Variants in MEGF11 observed in about 807,000 individuals in gnomAD.
MEGF11 encodes the protein multiple EGF like domains 11, also known as multiple epidermal growth factor-like domains protein 11.
MEGF11 carries 126 observed loss-of-function variants against 146.6 expected under a neutral mutation model. That is an observed-to-expected ratio of 0.86 (90% confidence interval 0.74 to 1.00). MEGF11 has a LOEUF of 1.00. MEGF11 is among the 50% of genes least tolerant of loss of function. The pLI is 0.00. For missense variants in MEGF11, 1,509 were observed against 1,521.2 expected (o/e 0.99, Z 0.13); for synonymous variants, 532 against 583.4 (o/e 0.91, Z 1.27).
chr15:66,181,243 G>A (rs2070412517), intron 1 of MEGF11, among the ~76,000 whole-genome samples: 1 of 152,196 alleles, frequency 6.6e-6, no homozygotes, highest in South Asian at 2.1e-4. Context: ...CACAGAATTT[G>A]TGTTGTTGTT....
chr15:66,233,945 C>T (rs866416376), intron 1 of MEGF11, among the ~76,000 whole-genome samples: 22 of 108,458 alleles, frequency 2.0e-4, no homozygotes, highest in African/African-American at 3.3e-4. Flanking sequence ...TTTTTTTTTT[C>T]TTTTTCTTTT....
chr15:66,093,939 G>A (rs1165544004), intron 5 of MEGF11, among the ~76,000 whole-genome samples: 1 of 152,134 alleles, frequency 6.6e-6, no homozygotes, highest in African/African-American at 2.4e-5. Flanking sequence ...TAATTTTGGG[G>A]ACACAGAGAC....
intron 4 of MEGF11, among the ~76,000 whole-genome samples, chr15:66,095,743 C>A (rs1339928433): frequency 6.6e-6 from 1 of 152,220 alleles, no homozygotes; most frequent in Non-Finnish European, 1.5e-5. Flanking sequence ...TGGAGTCAGC[C>A]TGTCCACTGC....
At chr15:66,218,051 A>G (rs769157444) in intron 1 of MEGF11, among the ~76,000 whole-genome samples, 2 of 152,156 alleles carry the variant, frequency 1.3e-5, no homozygotes, top group African/African-American at 2.4e-5. Flanking sequence ...AAGCACTGCC[A>G]TTTTACAGGA....
intron 1 of MEGF11, among the ~76,000 whole-genome samples, chr15:66,247,940 C>T (rs998584092): frequency 1.4e-5 from 2 of 147,402 alleles, no homozygotes; most frequent in East Asian, 2.0e-4. Flanking sequence ...GAGGCTGGGG[C>T]GAGATGGCAC....
At chr15:65,907,946 TG>T (rs1482668670) in intron 23 of MEGF11, among the ~76,000 whole-genome samples, 25 of 152,372 alleles carry the variant, frequency 1.6e-4, no homozygotes, top group African/African-American at 5.5e-4. Context: ...GAGTGAGATC[TG>T]TAAAGCAGGG....
In MEGF11 at chr15:66,141,289, T is replaced by TGAGAGA. The variant is rs1169589606; in HGVS notation, c.-8-12884_-8-12879dup. On this transcript the variant is annotated intron_variant, in intron 1 of 25. Coordinates refer to ENST00000395614, the MANE Select transcript of MEGF11 (RefSeq NM_001385028.1). The stretch of plus-strand genomic sequence containing the variant: ...GTGTGTGTGTGTGTGTGTGTGTGTG[T>TGAGAGA]GAGAGAGAGAGAGAGAGAGACAGGG... 3.0e-3 allele frequency among the ~76,000 whole-genome samples: 306 copies of TGAGAGA among 101,206 alleles called. 11 individuals are homozygous for TGAGAGA. The highest frequency in any genetic ancestry group is 0.011 in the Middle Eastern group (2 of 190). 66.4% of individuals were successfully genotyped at this position (101,206 alleles called of 152,430 possible). A position where few individuals can be genotyped will look rare whatever the true frequency, so the allele number is the denominator to read the frequency against.
chr15:65,978,089 T>C (rs1256676378), intron 7 of MEGF11, among the ~76,000 whole-genome samples: 1 of 152,260 alleles, frequency 6.6e-6, no homozygotes, highest in Non-Finnish European at 1.5e-5. Flanking sequence ...CCAGAGTTCC[T>C]AGCAGCTCCT....
chr15:66,116,687 G>GTTTATATGTTTA, intron 4 of MEGF11, among the ~76,000 whole-genome samples: 1 of 152,090 alleles, frequency 6.6e-6, no homozygotes, highest in African/African-American at 2.4e-5. Flanking sequence ...GTTTATATAG[G>GTTTATATGTTTA]TACTATGCAT....
At chr15:65,927,230 C>T (rs2079401792) in intron 13 of MEGF11, among the ~76,000 whole-genome samples, 1 of 152,190 alleles carries the variant, frequency 6.6e-6, no homozygotes, top group Non-Finnish European at 1.5e-5. Context: ...CTCATTTAAG[C>T]TTCAAAACAA....
intron 1 of MEGF11, among the ~76,000 whole-genome samples, chr15:66,185,762 C>A (rs1244372141): frequency 6.6e-6 from 1 of 152,132 alleles, no homozygotes; most frequent in Non-Finnish European, 1.5e-5. Context: ...CCAGGTAGAC[C>A]AGAACACCAG....
chr15:66,078,765 C>G (rs1597059938), intron 5 of MEGF11, among the ~76,000 whole-genome samples: 1 of 152,240 alleles, frequency 6.6e-6, no homozygotes, highest in African/African-American at 2.4e-5. Context: ...AGCTGGGCTC[C>G]CGCCACTCTA....
At chr15:65,993,170 C>A (rs1326768468) in intron 5 of MEGF11, among the ~76,000 whole-genome samples, 3 of 152,194 alleles carry the variant, frequency 2.0e-5, no homozygotes, top group Non-Finnish European at 4.4e-5. Context: ...TGCACCACCC[C>A]CAACCTCTGT....
At chr15:65,918,487 C>G (rs1445836991) in intron 15 of MEGF11, among the ~76,000 whole-genome samples, 1 of 152,228 alleles carries the variant, frequency 6.6e-6, no homozygotes, top group African/African-American at 2.4e-5. Flanking sequence ...TCACCAACAT[C>G]ACGGATTCCA....
intron 1 of MEGF11, among the ~76,000 whole-genome samples, chr15:66,189,189 C>CA (rs1408226484): frequency 6.6e-6 from 1 of 152,160 alleles, no homozygotes; most frequent in East Asian, 1.9e-4. Flanking sequence ...CCCAGGGAGA[C>CA]AGTCACTTGT....
At chr15:66,163,048 A>G (rs1567268747) in intron 1 of MEGF11, among the ~76,000 whole-genome samples, 1 of 152,126 alleles carries the variant, frequency 6.6e-6, no homozygotes, top group South Asian at 2.1e-4. Context: ...AAGCCACAAG[A>G]TTCAACCAAA....
At chr15:66,069,476 AAAG>A (rs566257460) in intron 5 of MEGF11, among the ~76,000 whole-genome samples, 95 of 152,356 alleles carry the variant, frequency 6.2e-4, no homozygotes, top group Non-Finnish European at 1.2e-3. Context: ...GAACCCCTGT[AAAG>A]AAGGTACTGT....
In MEGF11 at chr15:66,127,428, C is replaced by A. The variant is rs1006552741; in HGVS notation, c.98+878G>T. On this transcript the variant is annotated intron_variant, in intron 2 of 25. Coordinates refer to ENST00000395614, the MANE Select transcript of MEGF11 (RefSeq NM_001385028.1). ...AGCCAGGTCCTGCCTGGCTGAGGTG[C>A]CTTTCCCTGCCCTAGGGCTGGGCTA... 3.9e-5 allele frequency among the ~76,000 whole-genome samples: 6 copies of A among 152,326 alleles called. No individual in the cohort carries two copies. In the South Asian group the frequency reaches 6.2e-4, roughly 16 times the overall value.
At chr15:65,925,398 G>A (rs1248587769) in intron 13 of MEGF11, among the ~76,000 whole-genome samples, 2 of 152,164 alleles carry the variant, frequency 1.3e-5, no homozygotes, top group Non-Finnish European at 2.9e-5. Flanking sequence ...TGTGGGAGTG[G>A]GGCTGTTTGT....
Sources: allele counts gnomAD v4.1 joint callset (sites outside exome capture counted in the v4.1 genomes callset), GRCh38; gene constraint gnomAD v4.1.1; transcripts MANE v1.5; gene names NCBI Gene and HGNC (gene_info 2026-07-23, HGNC 2026-07-21).